Variants in ROBO2 observed in about 807,000 individuals in gnomAD.
The protein encoded by ROBO2 is roundabout guidance receptor 2.
Under a neutral mutation model 160.8 loss-of-function variants are expected in ROBO2, and 53 were observed. The observed-to-expected ratio is 0.33, with a 90% CI of 0.26 to 0.41. The LOEUF (loss-of-function observed/expected upper bound fraction) is 0.41. ROBO2 is among the 10% of genes least tolerant of loss of function. The pLI is 1.00. For missense variants in ROBO2, 1,577 were observed against 1,722.4 expected, an observed-to-expected ratio of 0.92 and a Z score of 1.49; for synonymous variants, 664 against 611.7, an observed-to-expected ratio of 1.09 and a Z score of -1.26.
At chr3:76,038,095 T>G (rs1210817894) in intron 2 of ROBO2, among the ~76,000 whole-genome samples, 2 of 152,056 alleles carry the variant, frequency 1.3e-5, no homozygotes, top group African/African-American at 2.4e-5. Context: ...TCATTCTAGT[T>G]TCTGTTTGTG....
chr3:77,393,019 G>A (rs375858250), intron 2 of ROBO2, among the ~76,000 whole-genome samples: 4 of 152,062 alleles, frequency 2.6e-5, no homozygotes, highest in East Asian at 3.9e-4. Context: ...TTTAAGTTGA[G>A]CACCAGTCAT....
intron 2 of ROBO2, among the ~76,000 whole-genome samples, chr3:76,167,752 T>C (rs1575732350): frequency 6.6e-6 from 1 of 152,222 alleles, no homozygotes; most frequent in East Asian, 1.9e-4. Context: ...TTTCTTTACA[T>C]ATTTTATTTG....
At chr3:76,254,036 C>T (rs1026460314) in intron 2 of ROBO2, among the ~76,000 whole-genome samples, 3 of 151,940 alleles carry the variant, frequency 2.0e-5, no homozygotes, top group Non-Finnish European at 4.4e-5. Flanking sequence ...CAATCTATAG[C>T]TGTCTACAAA....
intron 2 of ROBO2, among the ~76,000 whole-genome samples, chr3:77,243,279 C>A (rs1242013709): frequency 1.3e-5 from 2 of 152,032 alleles, no homozygotes; most frequent in Non-Finnish European, 2.9e-5. Flanking sequence ...CTAAATAAAA[C>A]TAGGTATAAG....
At chr3:76,605,598 G>T (rs1393784207) in intron 2 of ROBO2, among the ~76,000 whole-genome samples, 1 of 152,130 alleles carries the variant, frequency 6.6e-6, no homozygotes, top group East Asian at 1.9e-4. Context: ...TGGGTAGTCA[G>T]ATCAGAGTAT....
At chr3:76,111,486 G>T (rs753176858) in intron 2 of ROBO2, among the ~76,000 whole-genome samples, 1 of 151,932 alleles carries the variant, frequency 6.6e-6, no homozygotes, top group Non-Finnish European at 1.5e-5. Flanking sequence ...AAATGAAGAC[G>T]CCTGGCATTG....
Position 76,738,519 on chromosome 3 carries a change from G to A in ROBO2, c.110-359495G>A, listed in dbSNP as rs138529344. 8.5e-5 allele frequency among the ~76,000 whole-genome samples: 13 copies of A among 152,210 alleles called. No individual in the cohort carries two copies. The East Asian group carries it at 1.7e-3, about 20-fold the overall frequency. On this transcript the variant is annotated intron_variant, in intron 2 of 26. Transcript: ENST00000487694. ...ACAACCAAAAATGTCTCCAGACATCGCCACTTGTCCCCTGGAGGAGGGAGA... is the reference window on the plus strand; with the variant it reads ...ACAACCAAAAATGTCTCCAGACATCACCACTTGTCCCCTGGAGGAGGGAGA...
At chr3:76,418,284 G>A (rs1352102095) in intron 2 of ROBO2, among the ~76,000 whole-genome samples, 2 of 150,416 alleles carry the variant, frequency 1.3e-5, no homozygotes, top group African/African-American at 2.5e-5. Context: ...TTGTTCTGCC[G>A]CCAGGCTGAA....
At chr3:77,308,110 A>G (rs1409313959) in intron 2 of ROBO2, among the ~76,000 whole-genome samples, 1 of 142,060 alleles carries the variant, frequency 7.0e-6, no homozygotes, top group Non-Finnish European at 1.5e-5. Flanking sequence ...TTTTTTTTTT[A>G]CTAAATTGCT....
chr3:77,228,058 GA>G (rs1376964924), intron 2 of ROBO2, among the ~76,000 whole-genome samples: 15 of 152,288 alleles, frequency 9.8e-5, no homozygotes, highest in African/African-American at 3.6e-4. Flanking sequence ...GACAGAGACT[GA>G]TATAATTGAT....
chr3:76,230,135 T>C (rs2107464906), intron 2 of ROBO2, among the ~76,000 whole-genome samples: 1 of 152,236 alleles, frequency 6.6e-6, no homozygotes, highest in African/African-American at 2.4e-5. Flanking sequence ...CCTAATAACT[T>C]GATACCCACA....
intron 2 of ROBO2, among the ~76,000 whole-genome samples, chr3:76,281,156 A>T (rs1261133426): frequency 6.6e-6 from 1 of 151,738 alleles, no homozygotes; most frequent in East Asian, 1.9e-4. Flanking sequence ...ATGCCAACAG[A>T]GCTATGCCAA....
intron 2 of ROBO2, among the ~76,000 whole-genome samples, chr3:76,491,104 C>T (rs923828818): frequency 3.3e-5 from 5 of 151,912 alleles, no homozygotes; most frequent in South Asian, 4.2e-4. Context: ...GGATTACAGG[C>T]GTGTGTCAGC....
intron 2 of ROBO2, among the ~76,000 whole-genome samples, chr3:76,382,129 C>T (rs2076658556): frequency 6.6e-6 from 1 of 152,102 alleles, no homozygotes; most frequent in Non-Finnish European, 1.5e-5. Flanking sequence ...ATATGCCTGG[C>T]TAATATTTTC....
intron 2 of ROBO2, among the ~76,000 whole-genome samples, chr3:77,205,664 C>T (rs2083365432): frequency 6.6e-6 from 1 of 152,098 alleles, no homozygotes; most frequent in South Asian, 2.1e-4. Context: ...CTCTCCATAT[C>T]ACATGCACAT....
intron 2 of ROBO2, among the ~76,000 whole-genome samples, chr3:77,392,428 G>T (rs925509227): frequency 6.6e-6 from 1 of 152,162 alleles, no homozygotes; most frequent in African/African-American, 2.4e-5. Context: ...TGTTTTTCTT[G>T]CTGCAGGCAG....
intron 2 of ROBO2, among the ~76,000 whole-genome samples, chr3:76,369,099 C>T (rs1559834641): frequency 1.3e-5 from 2 of 151,966 alleles, no homozygotes; most frequent in African/African-American, 2.4e-5. Context: ...AGTGTCTCCA[C>T]GCCTGCTACT....
chr3:77,295,290 A>G (rs1360658495), intron 2 of ROBO2, among the ~76,000 whole-genome samples: 3 of 150,170 alleles, frequency 2.0e-5, no homozygotes, highest in Non-Finnish European at 4.4e-5. Flanking sequence ...AGATCACCAA[A>G]GACATTAAGT....
At chr3:76,153,806 A>G (rs1275811219) in intron 2 of ROBO2, among the ~76,000 whole-genome samples, 2 of 152,148 alleles carry the variant, frequency 1.3e-5, no homozygotes, top group African/African-American at 4.8e-5. Context: ...AAGTAAGATG[A>G]TTTTAAACAC....
Sources: allele counts gnomAD v4.1 joint callset (sites outside exome capture counted in the v4.1 genomes callset), GRCh38; gene constraint gnomAD v4.1.1; transcripts MANE v1.5; gene names NCBI Gene and HGNC (gene_info 2026-07-23, HGNC 2026-07-21).